The following PRR16 variants were observed in gnomAD, a reference collection of about 807,000 sequenced individuals.
The protein encoded by PRR16 is proline rich 16, also known as protein Largen.
In PRR16, 6 loss-of-function variants were observed where a neutral mutation model predicts 18.2. The ratio of observed to expected loss-of-function variants is 0.33; its 90% CI spans 0.18 to 0.65. The LOEUF (loss-of-function observed/expected upper bound fraction) is 0.65, where lower values mean the gene tolerates loss of function less well. PRR16 is among the 30% of genes least tolerant of loss of function. The pLI, the probability that PRR16 is intolerant of heterozygous loss-of-function variation, is 0.74. For synonymous variants in PRR16, 151 were observed against 147.8 expected (o/e 1.02, Z -0.16); for missense variants, 412 against 376.6 (o/e 1.09, Z -0.78).
chr5:120,785,448 T>A, the PRR16 span, among the ~76,000 whole-genome samples: 1 of 152,128 alleles, frequency 6.6e-6, no homozygotes. Context: ...CATTTTCTTT[T>A]GTTGGTATTG....
At chr5:120,747,254 G>A in the PRR16 span, among the ~76,000 whole-genome samples, 6 of 152,134 alleles carry the variant, frequency 3.9e-5, no homozygotes, top group South Asian at 4.1e-4. Flanking sequence ...GGAGATTTAC[G>A]TTTAACAGTT....
the PRR16 span, among the ~76,000 whole-genome samples, chr5:120,718,521 T>TG: frequency 1.3e-5 from 2 of 152,248 alleles, no homozygotes; most frequent in East Asian, 1.9e-4. Context: ...CTTGTGTGTG[T>TG]TTTTTAAGGC....
chr5:120,770,958 A>T, the PRR16 span, among the ~76,000 whole-genome samples: 18 of 110,508 alleles, frequency 1.6e-4, no homozygotes, highest in African/African-American at 4.3e-4. Flanking sequence ...TCTCACACAC[A>T]CACACACACA....
chr5:120,617,675 TA>T (rs1315382488), intron 1 of PRR16, among the ~76,000 whole-genome samples: 1 of 152,056 alleles, frequency 6.6e-6, no homozygotes, highest in Non-Finnish European at 1.5e-5. Flanking sequence ...TTTTAGTCAT[TA>T]AAAAACAAAA....
intron 1 of PRR16, among the ~76,000 whole-genome samples, chr5:120,492,930 T>C (rs1750113842): frequency 1.3e-5 from 2 of 152,220 alleles, no homozygotes; most frequent in Non-Finnish European, 2.9e-5. Context: ...ATGGTGTTTA[T>C]ATACCACATT....
intron 1 of PRR16, among the ~76,000 whole-genome samples, chr5:120,646,073 T>TATATATATCA (rs1426273642): frequency 7.3e-6 from 1 of 137,482 alleles, no homozygotes; most frequent in Admixed American, 7.3e-5. Flanking sequence ...TATATATATA[T>TATATATATCA]ATCATAGTTT....
intron 1 of PRR16, among the ~76,000 whole-genome samples, chr5:120,538,429 A>G (rs184219247): frequency 1.2e-4 from 19 of 152,330 alleles, no homozygotes; most frequent in Admixed American, 5.9e-4. Flanking sequence ...ACAGTCATCT[A>G]TAAACCTCAA....
chr5:120,738,201 C>A, the PRR16 span, among the ~76,000 whole-genome samples: 4 of 151,978 alleles, frequency 2.6e-5, no homozygotes, highest in Admixed American at 6.6e-5. Context: ...ATTTGACAGC[C>A]TTTTGTAAAG....
At chr5:120,522,348 T>C (rs1751211037) in intron 1 of PRR16, among the ~76,000 whole-genome samples, 1 of 152,186 alleles carries the variant, frequency 6.6e-6, no homozygotes, top group African/African-American at 2.4e-5. Context: ...TTCCTGACTT[T>C]TTAATGATAG....
the PRR16 span, among the ~76,000 whole-genome samples, chr5:120,793,573 G>C: frequency 6.6e-5 from 10 of 152,140 alleles, no homozygotes. Context: ...GAGAAGACTG[G>C]TTAGATGGAA....
At chr5:120,583,432 G>A (rs1753340393) in intron 1 of PRR16, among the ~76,000 whole-genome samples, 1 of 152,028 alleles carries the variant, frequency 6.6e-6, no homozygotes, top group Non-Finnish European at 1.5e-5. Flanking sequence ...AGAAAACAAT[G>A]AGCCACATTT....
chr5:120,658,070 TCTAA>T (rs754879819), intron 1 of PRR16: 3 of 151,938 alleles, frequency 2.0e-5, no homozygotes, highest in Non-Finnish European at 2.9e-5. Flanking sequence ...CCCAGAGAGC[TCTAA>T]CTATTGGACC....
At chr5:120,494,158 A>G (rs1044725463) in intron 1 of PRR16, among the ~76,000 whole-genome samples, 2 of 152,160 alleles carry the variant, frequency 1.3e-5, no homozygotes, top group South Asian at 2.1e-4. Flanking sequence ...CCGTCAATGT[A>G]TAAGTTATCT....
chr5:120,567,982 G>T (rs895336215), intron 1 of PRR16, among the ~76,000 whole-genome samples: 2 of 152,072 alleles, frequency 1.3e-5, no homozygotes, highest in African/African-American at 4.8e-5. Flanking sequence ...ATGTCTATTG[G>T]ATATAGCTGC....
chr5:120,695,536 C>A, the PRR16 span, among the ~76,000 whole-genome samples: 1 of 152,136 alleles, frequency 6.6e-6, no homozygotes, highest in Non-Finnish European at 1.5e-5. Flanking sequence ...TCCCACCTGC[C>A]TGCTCACTTG....
chr5:120,514,078 C>A (rs889108926), intron 1 of PRR16, among the ~76,000 whole-genome samples: 3 of 152,062 alleles, frequency 2.0e-5, no homozygotes, highest in African/African-American at 7.2e-5. Context: ...TATTCATTAT[C>A]ATATGCCCAG....
intron 1 of PRR16, among the ~76,000 whole-genome samples, chr5:120,604,336 G>T (rs778892515): frequency 2.6e-5 from 4 of 151,814 alleles, no homozygotes; most frequent in Non-Finnish European, 5.9e-5. Flanking sequence ...TATCATTGAC[G>T]ATGTAGTTTG....
rs184144964 is a variant in PRR16 at position 120,680,042 on chromosome 5, G to A, written c.160-5912G>A. On this transcript the variant is annotated intron_variant, in intron 1 of 1. Coordinates refer to ENST00000407149, the MANE Select transcript of PRR16 (RefSeq NM_001300783.2). Reference sequence around the variant, plus strand: ...GGTAACTATGTGAGATGATGGATATGCTCATTCGTTCCACTGAAGAAACCA... The same window carrying A: ...GGTAACTATGTGAGATGATGGATATACTCATTCGTTCCACTGAAGAAACCA... 3.3e-5 allele frequency among the ~76,000 whole-genome samples: 5 copies of A among 152,160 alleles called. No homozygotes were observed. The East Asian group carries it at 9.6e-4, about 29-fold the overall frequency.
chr5:120,758,418 T>A, the PRR16 span, among the ~76,000 whole-genome samples: 2 of 152,154 alleles, frequency 1.3e-5, no homozygotes, highest in Non-Finnish European at 1.5e-5. Context: ...GGAAAGTTAT[T>A]TTCATTCTGT....
Sources: gnomAD v4.1 joint callset for allele counts (sites outside exome capture counted in the v4.1 genomes callset) on GRCh38, gnomAD v4.1.1 for gene constraint, MANE v1.5 for transcripts, NCBI Gene and HGNC (gene_info 2026-07-23, HGNC 2026-07-21) for gene names.